ACADVL: variants seen among roughly 807,000 people sequenced by gnomAD.
ACADVL encodes very long-chain acyl-CoA dehydrogenase, mitochondrial.
A neutral mutation model predicts 80.4 loss-of-function variants in ACADVL; 73 were observed. The ratio of observed to expected loss-of-function variants is 0.91; its 90% confidence interval spans 0.75 to 1.10. The LOEUF (loss-of-function observed/expected upper bound fraction) is 1.10. Among genes scored for constraint, ACADVL ranks in the 50% least tolerant of loss-of-function variants. ACADVL has a pLI of 0.00. For missense variants in ACADVL, 878 were observed against 858.9 expected, an observed-to-expected ratio of 1.02 and a Z score of -0.28; for synonymous variants, 392 against 326.5, an observed-to-expected ratio of 1.20 and a Z score of -2.16.
In ACADVL at chr17:7,220,504, T is replaced by C; in HGVS notation, c.179T>C (p.Leu60Pro). Reference protein sequence around the residue: ...DKSDSHPSDALTRKKPAKAES... With the variant: ...DKSDSHPSDAPTRKKPAKAES... ...TCAGATTCCCACCCCTCTGACGCTC[T>C]GACCAGGAAAAAACCGGCCAAGGCG... The change falls in exon 3 of 20, where the codon CTG becomes CCG. Residue 60 changes from leucine (L) to proline (P), a missense_variant. By Grantham distance (98) the Leu-to-Pro change is moderately conservative (BLOSUM62 -3). Coordinates refer to ENST00000356839, the MANE Select transcript of ACADVL (RefSeq NM_000018.4). 1.9e-6 allele frequency: 3 copies of C among 1,614,204 alleles called. No individual in the cohort carries two copies. The highest frequency in any genetic ancestry group is 2.5e-6 in the Non-Finnish European group (3 of 1,180,022).
At chr17:7,218,226 C>A (rs776540362), upstream of ACADVL, 2 of 1,605,196 alleles carry the variant, frequency 1.2e-6, no homozygotes, top group Non-Finnish European at 1.7e-6. Context: ...TAGGCGCTCG[C>A]CCCCACCTCC....
chr17:7,224,877 G>T lies in ACADVL; in HGVS notation c.1820G>T (p.Cys607Phe). The stretch of plus-strand genomic sequence containing the variant: ...GAGAAAATGCTCTGTGACACCTGGT[G>T]TATCGAGGTGAGACTCGGGGCTGCC... ...QHEKMLCDTW[C>F]IEAAARIREG... The change falls in exon 19 of 20, where the codon TGT becomes TTT. Residue 607 changes from cysteine to phenylalanine, a missense_variant. Coordinates refer to ENST00000356839, the MANE Select transcript of ACADVL (RefSeq NM_000018.4). 1 of 1,614,102 alleles carries T rather than the reference G, an allele frequency of 6.2e-7. No homozygotes were observed. Among genetic ancestry groups the T allele is most frequent in the Non-Finnish European group, 8.5e-7 (1 of 1,180,024 alleles).
upstream of ACADVL, chr17:7,219,893 A>C: frequency 7.0e-7 from 1 of 1,430,908 alleles, no homozygotes; most frequent in Non-Finnish European, 9.4e-7. Flanking sequence ...ACTGTGGACG[A>C]TGAGTCAGGG....
chr17:7,224,692 G>T lies in ACADVL; in HGVS notation c.1729G>T (p.Ala577Ser). 1.3e-6 allele frequency: 2 copies of T among 1,583,168 alleles called. No homozygotes were observed. Among genetic ancestry groups the T allele is most frequent in the Non-Finnish European group, 8.6e-7 (1 of 1,167,234 alleles). ...RLADGAIDLY[A>S]MVVVLSRASR... ...GGCAGACGGGGCCATCGACCTCTAT[G>T]CCATGGTGGTGGTTCTCTCGAGGTG... Residue 577 changes from alanine (A) to serine (S), a missense_variant, in exon 18 of 20, where the codon GCC becomes TCC. Transcript: ENST00000356839.
At chr17:7,219,721 G>A (rs1189001610), upstream of ACADVL, 5 of 1,415,666 alleles carry the variant, frequency 3.5e-6, no homozygotes, top group Middle Eastern at 2.2e-4. Flanking sequence ...CCATCACCCC[G>A]TCGGAGGACT....
At chr17:7,219,822 G>A (rs1411504969), upstream of ACADVL, 10 of 1,532,460 alleles carry the variant, frequency 6.5e-6, 1 homozygote, top group African/African-American at 2.7e-5. Context: ...GCAGGGCCGG[G>A]CTCCAGGGAA....
chr17:7,221,442 CCCTAGGT>C (rs77493353), intron 6 of ACADVL, 89 bp from the exon 7 acceptor site: 2 of 301,872 alleles, frequency 6.6e-6, no homozygotes, highest in Non-Finnish European at 9.9e-6. Context: ...TCAGGAACTG[CCCTAGGT>C]CAGGAACTGC....
At chr17:7,224,287 G>C in intron 15 of ACADVL, 34 bp from the exon 16 acceptor site, 1 of 1,613,454 alleles carries the variant, frequency 6.2e-7, no homozygotes, top group Non-Finnish European at 8.5e-7. Flanking sequence ...GTGGTGTATG[G>C]CAACTAACCA....
chr17:7,218,801 C>T (rs2071055310), upstream of ACADVL: 1 of 1,613,576 alleles, frequency 6.2e-7, no homozygotes, highest in Non-Finnish European at 8.5e-7. Context: ...GCTCCCAGAC[C>T]TCCCCTCCAC....
intron 6 of ACADVL, 105 bp from the exon 7 acceptor site, chr17:7,221,431 GTC>G: frequency 6.7e-7 from 1 of 1,487,142 alleles, no homozygotes; most frequent in Non-Finnish European, 9.0e-7. Flanking sequence ...ACTGCCCTAG[GTC>G]AGGAACTGCC....
chr17:7,224,678 C>A lies in ACADVL; in HGVS notation c.1715C>A (p.Ala572Asp). 1 of 1,348,864 alleles carries A rather than the reference C, an allele frequency of 7.4e-7. No individual in the cohort carries two copies. The highest frequency in any genetic ancestry group is 9.8e-7 in the Non-Finnish European group (1 of 1,022,344). The allele number at this position is 1,348,864 out of a possible 1,614,324, so 83.6% of individuals were successfully genotyped here. Residue 572 changes from alanine (A) to aspartate (D), a missense_variant, in exon 18 of 20, where the codon GCC (alanine) becomes GAC (aspartate). Transcript: ENST00000356839. ...CTGCTGCAGCGGCTGGCAGACGGGG[C>A]CATCGACCTCTATGCCATGGTGGTG... ...QFLLQRLADG[A>D]IDLYAMVVVL...
upstream of ACADVL, chr17:7,219,931 G>GGACGCGGGCGTGCAA (rs1393867139): frequency 6.3e-7 from 1 of 1,575,666 alleles, no homozygotes. Context: ...TGGGCGTGCA[G>GGACGCGGGCGTGCAA]GACGCCAGAG....
chr17:7,223,675 A>C lies in ACADVL; in HGVS notation c.1214A>C (p.Asp405Ala). The C allele has an allele frequency of 6.2e-7, 1 of 1,614,098 alleles. No individual in the cohort carries two copies. The highest frequency in any genetic ancestry group is 8.5e-7 in the Non-Finnish European group (1 of 1,180,012). The change falls in exon 12 of 20, where the codon GAC (aspartate) becomes GCC (alanine). Residue 405 changes from aspartate to alanine, a missense_variant. Transcript: ENST00000356839. The stretch of plus-strand genomic sequence containing the variant: ...GCTTACATGGTGAGTGCTAACATGG[A>C]CCAGGGAGCCACGGACTTCCAGATA... ...SMAYMVSANMDQGATDFQIEA... is the reference protein window; with the variant it reads ...SMAYMVSANMAQGATDFQIEA...
chr17:7,225,255 T>C lies in ACADVL; in HGVS notation c.*158T>C, dbSNP rs1299413906. Reference sequence around the variant, plus strand: ...TACTGCCTCGCAAATAATAAAAATTTCTAGCCAGTCATGCTTTGCTCCTGT... The same window carrying C: ...TACTGCCTCGCAAATAATAAAAATTCCTAGCCAGTCATGCTTTGCTCCTGT... On this transcript the variant is annotated 3_prime_UTR_variant, in exon 20 of 20. Coordinates refer to ENST00000356839, the MANE Select transcript of ACADVL (RefSeq NM_000018.4). The C allele has an allele frequency of 3.0e-6, 3 of 987,322 alleles. No individual in the cohort carries two copies. The highest frequency in any genetic ancestry group is 5.2e-5 in the East Asian group (2 of 38,616). 61.2% of individuals were successfully genotyped at this position (987,322 alleles called of 1,614,324 possible). A position where few individuals can be genotyped will look rare whatever the true frequency, so the allele number is the denominator to read the frequency against.
rs750486737 is a variant in ACADVL at position 7,224,406 on chromosome 17, G to A, written c.1605+13G>A. The A allele has an allele frequency of 3.7e-6, 6 of 1,613,860 alleles. No homozygotes were observed. In the Admixed American group the frequency reaches 8.3e-5, roughly 22 times the overall value. ...GAGTGGCGAGCTGGTAAGTGGCCAG[G>A]GGTCCAGGAGAGCCTGCATCAGGGA... On this transcript the variant is annotated intron_variant, in intron 16 of 19. Transcript: ENST00000356839.
upstream of ACADVL, chr17:7,217,171 C>T: frequency 7.8e-7 from 1 of 1,283,442 alleles, no homozygotes; most frequent in Non-Finnish European, 9.9e-7. Context: ...GCCGCGGCGG[C>T]GGGTAAGGGG....
At position 7,224,331 on chromosome 17, in the gene ACADVL, C is replaced by G; in HGVS notation, c.1543C>G (p.Leu515Val). Reference sequence around the variant, plus strand: ...CCCTCTTCCTCTCAGGCGGGCAGGGCTGGGCAGCGGCCTGAGTCTCAGCGG... The same window carrying G: ...CCCTCTTCCTCTCAGGCGGGCAGGGGTGGGCAGCGGCCTGAGTCTCAGCGG... ...AGKQLRRRAG[L>V]GSGLSLSGLV... is the part of the protein sequence containing the mutation. Residue 515 changes from leucine (L) to valine (V), a missense_variant, in exon 16 of 20, where the codon CTG (leucine) becomes GTG (valine). Physicochemically the swap from Leu to Val is conservative, Grantham distance 32 (BLOSUM62 1). Transcript: ENST00000356839. 1 of 1,613,850 alleles carries G rather than the reference C, an allele frequency of 6.2e-7. No homozygotes were observed. The highest frequency in any genetic ancestry group is 1.1e-5 in the South Asian group (1 of 91,066).
In ACADVL at chr17:7,220,658, G is replaced by T; in HGVS notation, c.259G>T (p.Val87Leu). 1 of 1,614,184 alleles carries T rather than the reference G, an allele frequency of 6.2e-7. No individual in the cohort carries two copies. The highest frequency in any genetic ancestry group is 8.5e-7 in the Non-Finnish European group (1 of 1,180,044). The stretch of plus-strand genomic sequence containing the variant: ...CAAAGGCCAGCTCACCACAGATCAG[G>T]TGTTCCCATACCCGTCCGGTAAGGG... ...MFKGQLTTDQVFPYPSVLNEE... is the reference protein window; with the variant it reads ...MFKGQLTTDQLFPYPSVLNEE... Residue 87 changes from valine to leucine, a missense_variant, in exon 4 of 20, where the codon GTG (valine) becomes TTG (leucine). Transcript: ENST00000356839.
upstream of ACADVL, chr17:7,219,270 T>C: frequency 2.0e-6 from 1 of 508,564 alleles, no homozygotes; most frequent in South Asian, 4.9e-5. Context: ...GCAGTTCCTC[T>C]CAGGCCCGGG....
Sources: gnomAD v4.1 joint callset for allele counts on GRCh38, gnomAD v4.1.1 for gene constraint, MANE v1.5 for transcripts, NCBI Gene and HGNC (gene_info 2026-07-23, HGNC 2026-07-21) for gene names.